The following PGS1 variants were observed in gnomAD, a reference collection of about 807,000 sequenced individuals.
PGS1 encodes CDP-diacylglycerol--glycerol-3-phosphate 3-phosphatidyltransferase, mitochondrial.
In PGS1, 44 loss-of-function variants were observed where a neutral mutation model predicts 58.3. The ratio of observed to expected loss-of-function variants is 0.75; its 90% CI spans 0.59 to 0.97. The LOEUF is 0.97. Among genes scored for constraint, PGS1 ranks in the 50% least tolerant of loss-of-function variants. The pLI is 0.00. For synonymous variants in PGS1, 330 were observed against 311.0 expected (o/e 1.06, Z -0.64); for missense variants, 684 against 731.1 (o/e 0.94, Z 0.74).
chr17:78,383,653 T>A (rs766638094), intron 1 of PGS1, among the ~76,000 whole-genome samples: 22 of 152,356 alleles, frequency 1.4e-4, no homozygotes, highest in Admixed American at 1.1e-3. Context: ...TCTTCCTTAC[T>A]CTTCAGAGTT....
At chr17:78,401,749 T>C (rs8072632) in intron 6 of PGS1, among the ~76,000 whole-genome samples, 93,483 of 152,076 alleles carry the variant, frequency 0.61, 28,818 homozygotes, top group Admixed American at 0.65. Context: ...CTGTTCCTAC[T>C]GTTGTATTTT....
intron 2 of PGS1, among the ~76,000 whole-genome samples, chr17:78,394,541 G>A (rs943623407): frequency 2.0e-5 from 3 of 151,798 alleles, no homozygotes; most frequent in Non-Finnish European, 2.9e-5. Flanking sequence ...GAAGAAACAG[G>A]TTTTTCTTTT....
At position 78,419,561 on chromosome 17, in the gene PGS1, T is replaced by C. The variant is rs931969262; in HGVS notation, c.1567T>C (p.Tyr523His). 4 of 1,613,842 alleles carry C rather than the reference T, an allele frequency of 2.5e-6. No individual in the cohort carries two copies. In the Middle Eastern group the frequency reaches 6.6e-4, roughly 266 times the overall value. The part of the protein sequence containing the change: ...QQLHQEQEQL[Y>H]LRSGVVSSAT... ...TCTTCCTCAGGAGCAAGAGCAGCTCTACCTGAGGTCAGGTGTGGTGTCCTC... is the reference window on the plus strand; with the variant it reads ...TCTTCCTCAGGAGCAAGAGCAGCTCCACCTGAGGTCAGGTGTGGTGTCCTC... Residue 523 changes from tyrosine (Y) to histidine (H), a missense_variant, in exon 9 of 10, where the codon TAC becomes CAC. By Grantham distance (83) the Tyr-to-His change is moderately conservative (BLOSUM62 2). Transcript: ENST00000262764.
intron 7 of PGS1, among the ~76,000 whole-genome samples, chr17:78,412,639 A>G (rs183699551): frequency 1.4e-3 from 209 of 152,310 alleles, no homozygotes; most frequent in African/African-American, 4.9e-3. Context: ...CTTCCCCACC[A>G]GATTCTGTGG....
intron 2 of PGS1, among the ~76,000 whole-genome samples, chr17:78,395,139 G>A (rs2083133371): frequency 6.6e-6 from 1 of 152,198 alleles, no homozygotes; most frequent in Non-Finnish European, 1.5e-5. Context: ...GAGAAGGGAG[G>A]ACAGTGCTGG....
chr17:78,405,235 A>G (rs1252606926), intron 7 of PGS1, among the ~76,000 whole-genome samples: 1 of 151,862 alleles, frequency 6.6e-6, no homozygotes, highest in Non-Finnish European at 1.5e-5. Flanking sequence ...TGACCTTGTG[A>G]GCCACTTGTC....
intron 9 of PGS1, chr17:78,420,876 G>A (rs1270938960): frequency 6.6e-6 from 1 of 152,232 alleles, no homozygotes; most frequent in African/African-American, 2.4e-5. Flanking sequence ...ATATCCTGCT[G>A]TCTTCCCCCA....
At chr17:78,414,705 G>A (rs540137726) in intron 7 of PGS1, among the ~76,000 whole-genome samples, 174 bp from the exon 8 acceptor site, 1 of 152,288 alleles carries the variant, frequency 6.6e-6, no homozygotes, top group East Asian at 1.9e-4. Flanking sequence ...CTGCCGCGCC[G>A]GGGTGGGGGT....
At chr17:78,414,207 A>G (rs1249375248) in intron 7 of PGS1, among the ~76,000 whole-genome samples, 3 of 152,320 alleles carry the variant, frequency 2.0e-5, no homozygotes, top group South Asian at 2.1e-4. Context: ...CTCAGTCAGA[A>G]GGGCACAGAC....
chr17:78,406,595 G>T (rs1439212618), intron 7 of PGS1, among the ~76,000 whole-genome samples: 1 of 152,264 alleles, frequency 6.6e-6, no homozygotes, highest in Non-Finnish European at 1.5e-5. Context: ...CCTGGCATGT[G>T]TTGTGGCTGA....
chr17:78,391,485 A>G (rs1567950006), intron 1 of PGS1, among the ~76,000 whole-genome samples: 1 of 151,902 alleles, frequency 6.6e-6, no homozygotes, highest in Admixed American at 6.6e-5. Flanking sequence ...ATGCCCAGGT[A>G]ACTTTTTTTT....
chr17:78,379,526 A>G (rs1179032261), intron 1 of PGS1, among the ~76,000 whole-genome samples: 1 of 152,166 alleles, frequency 6.6e-6, no homozygotes, highest in African/African-American at 2.4e-5. Flanking sequence ...ATTAAAAAAA[A>G]GGGGATAAAT....
intron 1 of PGS1, among the ~76,000 whole-genome samples, chr17:78,382,211 G>A (rs2146045549): frequency 6.6e-6 from 1 of 152,284 alleles, no homozygotes; most frequent in East Asian, 1.9e-4. Flanking sequence ...TCCAGGAGCT[G>A]ACTAGGGGTA....
intron 7 of PGS1, among the ~76,000 whole-genome samples, chr17:78,409,432 G>A (rs2084435698): frequency 6.6e-6 from 1 of 152,260 alleles, no homozygotes; most frequent in Admixed American, 6.5e-5. Flanking sequence ...TTGCCTTCCT[G>A]ATAGGCCAAT....
chr17:78,416,455 G>C (rs1306920699), intron 8 of PGS1, among the ~76,000 whole-genome samples: 1 of 152,212 alleles, frequency 6.6e-6, no homozygotes, highest in Non-Finnish European at 1.5e-5. Flanking sequence ...GGGCCAGGAT[G>C]GGTTCTGCGT....
chr17:78,414,921 C>A lies in PGS1; in HGVS notation c.1445C>A (p.Thr482Lys). The A allele has an allele frequency of 1.2e-6, 2 of 1,614,156 alleles. No homozygotes were observed. Among genetic ancestry groups the A allele is most frequent in the Non-Finnish European group, 1.7e-6 (2 of 1,180,022 alleles). Residue 482 changes from threonine (T) to lysine (K), a missense_variant, in exon 8 of 10, where the codon ACG becomes AAG. By Grantham distance (78) the Thr-to-Lys change is moderately conservative. Transcript: ENST00000262764. ...YLAGSSLPCLTLIGSPNFGYR... is the reference protein window; with the variant it reads ...YLAGSSLPCLKLIGSPNFGYR... Reference sequence around the variant, plus strand: ...GCAGGGAGCAGCCTGCCCTGTCTCACGCTGATTGGCTCTCCTAATTTTGGG... The same window carrying A: ...GCAGGGAGCAGCCTGCCCTGTCTCAAGCTGATTGGCTCTCCTAATTTTGGG...
rs140439261 is a variant in PGS1, at chr17:78,380,230, C to T, written c.143+1422C>T. 8.5e-4 allele frequency among the ~76,000 whole-genome samples: 129 copies of T among 152,250 alleles called. 2 individuals are homozygous for T. In the East Asian group the frequency reaches 0.02, roughly 23 times the overall value. On this transcript the variant is annotated intron_variant, in intron 1 of 9. Coordinates refer to ENST00000262764, the MANE Select transcript of PGS1 (RefSeq NM_024419.5). Reference sequence around the variant, plus strand: ...AAAAAAAAAAATCTTAGAACTGCTTCCTTTAGTTGAGGTTGCATTGTGTTA... The same window carrying T: ...AAAAAAAAAAATCTTAGAACTGCTTTCTTTAGTTGAGGTTGCATTGTGTTA...
chr17:78,422,797 G>C (rs1454370884), intron 9 of PGS1, among the ~76,000 whole-genome samples: 27 of 151,460 alleles, frequency 1.8e-4, no homozygotes, highest in Non-Finnish European at 2.9e-5. Context: ...TTTCTTTGAA[G>C]CCTGAGAAAT....
At chr17:78,382,941 G>A (rs879793690) in intron 1 of PGS1, among the ~76,000 whole-genome samples, 5 of 152,110 alleles carry the variant, frequency 3.3e-5, no homozygotes, top group Admixed American at 6.6e-5. Flanking sequence ...CACCGTGCCC[G>A]GCCCACAGAA....
Sources: gnomAD v4.1 joint callset for allele counts (sites outside exome capture counted in the v4.1 genomes callset) on GRCh38, gnomAD v4.1.1 for gene constraint, MANE v1.5 for transcripts, NCBI Gene and HGNC (gene_info 2026-07-23, HGNC 2026-07-21) for gene names.